FER: variants seen among roughly 807,000 people sequenced by gnomAD.
FER encodes tyrosine-protein kinase Fer.
Under a neutral mutation model 111.0 loss-of-function variants are expected in FER, and 63 were observed. That is an observed-to-expected ratio of 0.57 (90% CI 0.46 to 0.70). FER has a LOEUF of 0.70. Ranked by LOEUF, FER falls within the 30% of genes least tolerant of loss-of-function variation. The pLI is 0.00. For synonymous variants in FER, 327 were observed against 313.9 expected (o/e 1.04, Z -0.44); for missense variants, 914 against 954.0 (o/e 0.96, Z 0.55).
At chr5:109,099,266 C>A (rs1747912780) in intron 16 of FER, among the ~76,000 whole-genome samples, 1 of 151,444 alleles carries the variant, frequency 6.6e-6, no homozygotes, top group Non-Finnish European at 1.5e-5. Flanking sequence ...TTTATGGTTG[C>A]ATTAGTCAGT....
intron 16 of FER, among the ~76,000 whole-genome samples, chr5:109,087,559 C>A (rs1002272007): frequency 6.6e-6 from 1 of 151,134 alleles, no homozygotes; most frequent in Admixed American, 6.6e-5. Flanking sequence ...TTTAGGCTAT[C>A]ATTTTATATT....
intron 11 of FER, among the ~76,000 whole-genome samples, chr5:108,946,733 T>C (rs1404886290): frequency 6.6e-6 from 1 of 152,022 alleles, no homozygotes; most frequent in African/African-American, 2.4e-5. Context: ...GTATTAGTTG[T>C]CTTTAGTAAC....
intron 10 of FER, among the ~76,000 whole-genome samples, chr5:108,924,042 G>T (rs1427945833): frequency 6.6e-6 from 1 of 151,258 alleles, no homozygotes; most frequent in African/African-American, 2.4e-5. Context: ...AATAAAATCA[G>T]GTATTTTATT....
chr5:108,865,231 C>T (rs865985645), intron 5 of FER, among the ~76,000 whole-genome samples: 1 of 151,994 alleles, frequency 6.6e-6, no homozygotes, highest in East Asian at 1.9e-4. Context: ...CTGAAGTTGC[C>T]TATCAGCTTA....
intron 16 of FER, among the ~76,000 whole-genome samples, chr5:109,093,963 T>G (rs1484441338): frequency 6.6e-6 from 1 of 152,134 alleles, no homozygotes; most frequent in African/African-American, 2.4e-5. Context: ...TTGAGAGGGA[T>G]AAGAAGCCAA....
chr5:109,023,346 AATTGAGAGTTCTATTG>A (rs1768197997), intron 13 of FER, among the ~76,000 whole-genome samples: 1 of 152,136 alleles, frequency 6.6e-6, no homozygotes, highest in Non-Finnish European at 1.5e-5. Flanking sequence ...GGGAGATAGG[AATTGAGAGTTCTATTG>A]TGAACATGGT....
chr5:109,045,919 C>A (rs1245344429), intron 15 of FER, among the ~76,000 whole-genome samples: 5 of 152,186 alleles, frequency 3.3e-5, no homozygotes, highest in South Asian at 2.1e-4. Flanking sequence ...TTTGTTCTAA[C>A]CAATTTCAGC....
rs546534868 is a variant in FER at position 109,005,307 on chromosome 5, A to C, written c.1657-32115A>C. ...CCTGGGGCATGTAATAGATCCAAGC[A>C]GGAGAGAGGATAGAAGGTGTTAGAG... On this transcript the variant is annotated intron_variant, in intron 13 of 19. Coordinates refer to ENST00000281092, the MANE Select transcript of FER (RefSeq NM_005246.4). 2.0e-5 allele frequency among the ~76,000 whole-genome samples: 3 copies of C among 152,152 alleles called. No individual in the cohort carries two copies. In the South Asian group the frequency reaches 6.2e-4, roughly 32 times the overall value.
intron 2 of FER, among the ~76,000 whole-genome samples, chr5:108,795,588 A>G (rs1199164632): frequency 6.6e-6 from 1 of 151,864 alleles, no homozygotes; most frequent in Non-Finnish European, 1.5e-5. Context: ...CTATTTTTAA[A>G]TAGTCTGTCT....
At chr5:109,032,724 T>A (rs1769822380) in intron 13 of FER, among the ~76,000 whole-genome samples, 1 of 152,214 alleles carries the variant, frequency 6.6e-6, no homozygotes, top group Non-Finnish European at 1.5e-5. Flanking sequence ...TTCATGGGTT[T>A]ATAAGGCCAC....
chr5:109,127,618 G>A (rs980312518), intron 17 of FER, among the ~76,000 whole-genome samples: 2 of 152,020 alleles, frequency 1.3e-5, no homozygotes, highest in Non-Finnish European at 2.9e-5. Flanking sequence ...TGTTGGCCAG[G>A]ATGATCTCGA....
chr5:109,129,733 G>T (rs72796586), intron 17 of FER, among the ~76,000 whole-genome samples: 1 of 151,974 alleles, frequency 6.6e-6, no homozygotes, highest in African/African-American at 2.4e-5. Flanking sequence ...CAAGGTTTTC[G>T]TATAGGAATT....
intron 5 of FER, among the ~76,000 whole-genome samples, chr5:108,854,687 G>A (rs963256367): frequency 1.3e-5 from 2 of 152,132 alleles, no homozygotes; most frequent in African/African-American, 2.4e-5. Context: ...TGTAATCCCA[G>A]CATTTTGGGA....
chr5:108,992,351 C>T (rs866915144), intron 13 of FER, among the ~76,000 whole-genome samples: 9 of 152,222 alleles, frequency 5.9e-5, no homozygotes, highest in South Asian at 2.1e-4. Flanking sequence ...TCTACAAAAC[C>T]GCCATTGTCA....
At chr5:109,053,059 A>C (rs1773065301) in intron 16 of FER, among the ~76,000 whole-genome samples, 1 of 152,178 alleles carries the variant, frequency 6.6e-6, no homozygotes, top group Non-Finnish European at 1.5e-5. Flanking sequence ...ATTATGTAAT[A>C]TCACACATTT....
intron 7 of FER, 78 bp downstream of exon 7, chr5:108,871,580 A>G (rs1302450209): frequency 8.5e-6 from 9 of 1,054,162 alleles, no homozygotes; most frequent in Non-Finnish European, 1.2e-5. Context: ...CACAGATAAA[A>G]ATAAGAAATA....
intron 1 of FER, among the ~76,000 whole-genome samples, chr5:108,762,916 C>A (rs1561380887): frequency 6.6e-6 from 1 of 152,186 alleles, no homozygotes; most frequent in African/African-American, 2.4e-5. Flanking sequence ...TTTAATCACT[C>A]AACATAAATT....
rs1389298715 is a variant in FER at position 108,910,727 on chromosome 5, A to G, written c.1236+12879A>G. Among the ~76,000 whole-genome samples the G allele has an allele frequency of 2.6e-5, 4 of 151,946 alleles. No individual in the cohort carries two copies. The South Asian group carries it at 6.2e-4, about 24-fold the overall frequency. Reference sequence around the variant, plus strand: ...TTAGCCCCTGCTTATAAGTGAGAACATACGGTATTTGATTTTCTATTTCTG... The same window carrying G: ...TTAGCCCCTGCTTATAAGTGAGAACGTACGGTATTTGATTTTCTATTTCTG... On this transcript the variant is annotated intron_variant, in intron 10 of 19. Coordinates refer to ENST00000281092, the MANE Select transcript of FER (RefSeq NM_005246.4).
At chr5:108,884,736 T>C (rs1398923261) in intron 9 of FER, among the ~76,000 whole-genome samples, 4 of 152,000 alleles carry the variant, frequency 2.6e-5, no homozygotes, top group African/African-American at 9.7e-5. Flanking sequence ...TATCTTTGCT[T>C]TCTGTTTTCT....
Sources: allele counts gnomAD v4.1 joint callset (sites outside exome capture counted in the v4.1 genomes callset), GRCh38; gene constraint gnomAD v4.1.1; transcripts MANE v1.5; gene names NCBI Gene and HGNC (gene_info 2026-07-23, HGNC 2026-07-21).